The following SIDT1 variants were observed in gnomAD, a reference collection of about 807,000 sequenced individuals.
The protein encoded by SIDT1 is SID1 transmembrane family, member 1.
A neutral mutation model predicts 107.5 loss-of-function variants in SIDT1; 101 were observed. The observed-to-expected ratio is 0.94, with a 90% CI of 0.80 to 1.11. SIDT1 has a LOEUF of 1.11. Among genes scored for constraint, SIDT1 ranks in the 50% least tolerant of loss-of-function variants. The probability of loss-of-function intolerance (pLI) is 0.00; values close to 1 mark genes in which losing one functional copy is unlikely to be tolerated. For missense variants in SIDT1, 1,076 were observed against 1,058.2 expected (o/e 1.02, Z -0.23); for synonymous variants, 395 against 398.2 (o/e 0.99, Z 0.10).
intron 3 of SIDT1, among the ~76,000 whole-genome samples, chr3:113,568,310 T>C (rs1942106742): frequency 6.6e-6 from 1 of 152,018 alleles, no homozygotes; most frequent in African/African-American, 2.4e-5. Flanking sequence ...GAAATGTAAA[T>C]TAAGGCCGGG....
At chr3:113,604,210 C>T (rs1257543596) in intron 13 of SIDT1, among the ~76,000 whole-genome samples, 177 bp downstream of exon 13, 1 of 152,192 alleles carries the variant, frequency 6.6e-6, no homozygotes, top group Non-Finnish European at 1.5e-5. Flanking sequence ...CACAGCCTCC[C>T]TCCCAGCCAA....
At chr3:113,557,532 G>A (rs1941009551) in intron 1 of SIDT1, among the ~76,000 whole-genome samples, 2 of 152,032 alleles carry the variant, frequency 1.3e-5, no homozygotes, top group South Asian at 4.2e-4. Context: ...CACACAGAGG[G>A]GGCACCATGT....
chr3:113,582,881 CG>C, intron 6 of SIDT1, among the ~76,000 whole-genome samples: 1 of 152,092 alleles, frequency 6.6e-6, no homozygotes, highest in East Asian at 1.9e-4. Context: ...AGAACTCTAA[CG>C]GACCTTAAAG....
the SIDT1 span, among the ~76,000 whole-genome samples, chr3:113,634,850 A>G: frequency 6.6e-6 from 1 of 152,182 alleles, no homozygotes; most frequent in South Asian, 2.1e-4. Flanking sequence ...TTTCCAAAAT[A>G]CGGAAGACAT....
chr3:113,625,972 G>T, intron 23 of SIDT1, 130 bp from the exon 24 acceptor site: 1 of 701,476 alleles, frequency 1.4e-6, no homozygotes, highest in Non-Finnish European at 2.6e-6. Context: ...TTGTGTGGAT[G>T]GATGTTTTCT....
Position 113,594,323 on chromosome 3 carries a change from C to T in SIDT1, c.1045+1275C>T, listed in dbSNP as rs138764317. Reference sequence around the variant, plus strand: ...CACCTGCTCTCGTGGCTTTAAAGTGCTAAATGCTCCTCTCCCTTTTAGTCG... The same window carrying T: ...CACCTGCTCTCGTGGCTTTAAAGTGTTAAATGCTCCTCTCCCTTTTAGTCG... On this transcript the variant is annotated intron_variant, in intron 10 of 24. Coordinates refer to ENST00000264852, the MANE Select transcript of SIDT1 (RefSeq NM_017699.3). Among the ~76,000 whole-genome samples, 1,158 of 152,296 alleles carry T rather than the reference C, an allele frequency of 7.6e-3. 22 individuals are homozygous for T. The highest frequency in any genetic ancestry group is 0.026 in the African/African-American group (1,078 of 41,556).
intron 3 of SIDT1, among the ~76,000 whole-genome samples, chr3:113,573,848 G>A (rs1041909832): frequency 2.0e-5 from 3 of 152,208 alleles, no homozygotes; most frequent in Non-Finnish European, 4.4e-5. Flanking sequence ...AAGTCACCGA[G>A]TTGACAGTAT....
At chr3:113,587,158 C>A (rs1402913617) in intron 9 of SIDT1, among the ~76,000 whole-genome samples, 1 of 151,786 alleles carries the variant, frequency 6.6e-6, no homozygotes, top group African/African-American at 2.4e-5. Flanking sequence ...AAGTTACTTT[C>A]AAATGGTCCA....
chr3:113,540,632 T>G (rs1258261749), intron 1 of SIDT1, among the ~76,000 whole-genome samples: 6 of 152,212 alleles, frequency 3.9e-5, no homozygotes, highest in Non-Finnish European at 7.3e-5. Flanking sequence ...TAATTTTGTT[T>G]GAAAATTAAA....
intron 19 of SIDT1, among the ~76,000 whole-genome samples, chr3:113,614,545 G>A (rs943279690): frequency 2.0e-5 from 3 of 152,176 alleles, no homozygotes; most frequent in African/African-American, 7.2e-5. Context: ...ACAGTGTTCA[G>A]CTGACTCCAG....
chr3:113,589,407 C>A (rs1943973749), intron 9 of SIDT1, among the ~76,000 whole-genome samples: 1 of 152,116 alleles, frequency 6.6e-6, no homozygotes, highest in Non-Finnish European at 1.5e-5. Flanking sequence ...CAAAACATAT[C>A]ATCTTCTATG....
intron 3 of SIDT1, among the ~76,000 whole-genome samples, chr3:113,574,617 ATTT>A (rs1942755772): frequency 6.7e-6 from 1 of 150,320 alleles, no homozygotes; most frequent in Non-Finnish European, 1.5e-5. Flanking sequence ...TCCTCTCTGT[ATTT>A]CTTCTCCCTC....
intron 20 of SIDT1, among the ~76,000 whole-genome samples, chr3:113,617,752 T>C (rs979691376): frequency 7.9e-5 from 12 of 152,222 alleles, no homozygotes; most frequent in African/African-American, 2.7e-4. Flanking sequence ...GCTTCCTTTT[T>C]TAATAGACTT....
intron 9 of SIDT1, 124 bp from the exon 10 acceptor site, chr3:113,592,881 T>C (rs906901387): frequency 8.6e-5 from 70 of 809,564 alleles, no homozygotes; most frequent in Admixed American, 3.7e-4. Flanking sequence ...CCACCGCACC[T>C]GGCCCCAAAG....
intron 1 of SIDT1, among the ~76,000 whole-genome samples, chr3:113,543,693 CTATT>C (rs1939218958): frequency 6.6e-6 from 1 of 152,178 alleles, no homozygotes; most frequent in African/African-American, 2.4e-5. Context: ...ACAGAATTCT[CTATT>C]TATTGCTTCT....
intron 9 of SIDT1, among the ~76,000 whole-genome samples, chr3:113,585,472 T>C (rs1476835400): frequency 6.6e-6 from 1 of 152,074 alleles, no homozygotes; most frequent in African/African-American, 2.4e-5. Context: ...GATAATAATT[T>C]ACCCCACAAA....
At chr3:113,564,729 T>C (rs1187853212) in intron 1 of SIDT1, among the ~76,000 whole-genome samples, 2 of 152,096 alleles carry the variant, frequency 1.3e-5, no homozygotes, top group Non-Finnish European at 2.9e-5. Flanking sequence ...AAGGGAGTGA[T>C]CAATTCCATT....
intron 1 of SIDT1, among the ~76,000 whole-genome samples, chr3:113,563,551 C>T (rs1941628569): frequency 6.6e-6 from 1 of 152,216 alleles, no homozygotes. Context: ...TGTTCAATGA[C>T]ACTGCGGGGT....
intron 13 of SIDT1, among the ~76,000 whole-genome samples, chr3:113,604,410 A>G (rs867629265): frequency 1.3e-5 from 2 of 152,176 alleles, no homozygotes; most frequent in Non-Finnish European, 2.9e-5. Context: ...CAGTTTGGAA[A>G]CCACACCCTT....
Sources: allele counts gnomAD v4.1 joint callset (sites outside exome capture counted in the v4.1 genomes callset), GRCh38; gene constraint gnomAD v4.1.1; transcripts MANE v1.5; gene names NCBI Gene and HGNC (gene_info 2026-07-23, HGNC 2026-07-21).